PCSK5: variants seen among roughly 807,000 people sequenced by gnomAD.
PCSK5 encodes proprotein convertase subtilisin/kexin type 5, also known as prohormone convertase 5.
A neutral mutation model predicts 233.2 loss-of-function variants in PCSK5; 129 were observed. The observed-to-expected ratio is 0.55, with a 90% CI of 0.48 to 0.64. The LOEUF is 0.64. PCSK5 is among the 30% of genes least tolerant of loss of function. The pLI is 0.00. For synonymous variants in PCSK5, 825 were observed against 879.2 expected, an observed-to-expected ratio of 0.94 and a Z score of 1.09; for missense variants, 2,076 against 2,430.1, an observed-to-expected ratio of 0.85 and a Z score of 3.06.
At chr9:76,096,461 G>A (rs917379471) in intron 8 of PCSK5, among the ~76,000 whole-genome samples, 4 of 152,124 alleles carry the variant, frequency 2.6e-5, no homozygotes, top group African/African-American at 4.8e-5. Flanking sequence ...TTTCCGCACC[G>A]ACTTTTAACT....
chr9:75,974,955 TCATA>T (rs1218664177), intron 2 of PCSK5, among the ~76,000 whole-genome samples: 2 of 152,208 alleles, frequency 1.3e-5, no homozygotes, highest in Non-Finnish European at 2.9e-5. Flanking sequence ...TCCCTTTGAT[TCATA>T]AAGCTAGAGC....
rs549301915 is a variant in PCSK5 at position 76,351,404 on chromosome 9, T to C, written c.5067+476T>C. 7.2e-4 allele frequency among the ~76,000 whole-genome samples: 101 copies of C among 140,554 alleles called. 1 individual carries two copies. The highest frequency in any genetic ancestry group is 2.5e-3 in the African/African-American group (95 of 38,350). The allele number at this position is 140,554 out of a possible 152,430, so 92.2% of individuals were successfully genotyped here. The stretch of plus-strand genomic sequence containing the variant: ...CAGTGTTACAGCTCTTTAGAATTTC[T>C]GGTTTCTACCAGAAACCGCCCCCCC... On this transcript the variant is annotated intron_variant, in intron 36 of 37. Transcript: ENST00000674117.
At chr9:76,201,246 G>T (rs560196142) in intron 20 of PCSK5, among the ~76,000 whole-genome samples, 1 of 152,176 alleles carries the variant, frequency 6.6e-6, no homozygotes, top group African/African-American at 2.4e-5. Context: ...AGAACAAAAG[G>T]AAAAAACATG....
At chr9:76,247,529 C>T (rs1310185948) in intron 24 of PCSK5, among the ~76,000 whole-genome samples, 1 of 152,110 alleles carries the variant, frequency 6.6e-6, no homozygotes, top group Non-Finnish European at 1.5e-5. Context: ...AAGTTGCAAG[C>T]CCCATGTTTA....
intron 33 of PCSK5, among the ~76,000 whole-genome samples, chr9:76,331,555 T>C (rs1309378294): frequency 6.6e-6 from 1 of 151,900 alleles, no homozygotes; most frequent in Non-Finnish European, 1.5e-5. Flanking sequence ...TAGTCCCAGC[T>C]ACTCGGGAGG....
At chr9:76,055,053 T>C (rs1414127878) in intron 5 of PCSK5, among the ~76,000 whole-genome samples, 14 of 152,210 alleles carry the variant, frequency 9.2e-5, no homozygotes, top group African/African-American at 2.4e-5. Context: ...TGATGAATGC[T>C]TTTAATAATT....
At chr9:76,119,465 G>A (rs1038962335) in intron 9 of PCSK5, among the ~76,000 whole-genome samples, 2 of 151,976 alleles carry the variant, frequency 1.3e-5, no homozygotes, top group African/African-American at 4.8e-5. Context: ...ATGAAGCTAT[G>A]TATGTTTTAC....
intron 20 of PCSK5, among the ~76,000 whole-genome samples, chr9:76,219,710 T>C (rs575521773): frequency 1.3e-5 from 2 of 152,330 alleles, no homozygotes; most frequent in Non-Finnish European, 1.5e-5. Flanking sequence ...TCCCCTCTCC[T>C]GCTGCGGGCT....
At chr9:76,283,898 C>T (rs10121111) in intron 24 of PCSK5, among the ~76,000 whole-genome samples, 18,688 of 152,150 alleles carry the variant, frequency 0.12, 1,533 homozygotes, top group African/African-American at 0.24. Context: ...TCAAATAGTC[C>T]GTCTATAAAG....
intron 7 of PCSK5, among the ~76,000 whole-genome samples, chr9:76,078,152 ATTGT>A (rs1341405150): frequency 1.3e-5 from 2 of 152,032 alleles, no homozygotes; most frequent in African/African-American, 4.8e-5. Context: ...TGATTGTTGA[ATTGT>A]TTAAGTTCCT....
In PCSK5 at chr9:76,121,814, GTTTTTTTTT is replaced by G. The variant is rs568155033; in HGVS notation, c.1209-12276_1209-12268del. On this transcript the variant is annotated intron_variant, in intron 9 of 37. Transcript: ENST00000674117. Reference sequence around the variant, plus strand: ...AATACTATAAACATCTCTTGTATTGGTTTTTTTTTTTTTTTTTTTTTTTTTTTGAGACGG... The same window carrying G: ...AATACTATAAACATCTCTTGTATTGGTTTTTTTTTTTTTTTTTTGAGACGG... Among the ~76,000 whole-genome samples the G allele has an allele frequency of 3.6e-4, 22 of 61,756 alleles. 2 individuals carry two copies. The highest frequency in any genetic ancestry group is 2.6e-4 in the Non-Finnish European group (7 of 27,390). 40.5% of individuals were successfully genotyped at this position (61,756 alleles called of 152,430 possible). A position where few individuals can be genotyped will look rare whatever the true frequency, so the allele number is the denominator to read the frequency against.
chr9:76,129,143 G>T (rs914894155), intron 9 of PCSK5, among the ~76,000 whole-genome samples: 8 of 152,092 alleles, frequency 5.3e-5, no homozygotes, highest in African/African-American at 1.7e-4. Context: ...CTTCATCTTT[G>T]TGTCTCCAGC....
intron 2 of PCSK5, among the ~76,000 whole-genome samples, chr9:75,961,479 T>G (rs1429292274): frequency 1.3e-5 from 2 of 152,226 alleles, no homozygotes; most frequent in African/African-American, 4.8e-5. Flanking sequence ...GCTTGGCATG[T>G]GGCTAGTACG....
Position 76,323,102 on chromosome 9 carries a change from C to A in PCSK5, c.4153C>A (p.Pro1385Thr), listed in dbSNP as rs1269101295. 2 of 1,610,946 alleles carry A rather than the reference C, an allele frequency of 1.2e-6. No homozygotes were observed. Among genetic ancestry groups the A allele is most frequent in the Admixed American group, 3.3e-5 (2 of 59,730 alleles). Reference protein sequence around the residue: ...LHDDMCHQSCPRGFYADSRHC... With the variant: ...LHDDMCHQSCTRGFYADSRHC... ...CGATGATATGTGCCACCAGTCCTGT[C>A]CCCGTGGCTTCTATGCAGACTCGCG... Residue 1385 changes from proline to threonine, a missense_variant, in exon 32 of 38, where the codon CCC (proline) becomes ACC (threonine). Coordinates refer to ENST00000674117, the MANE Select transcript of PCSK5 (RefSeq NM_001372043.1).
rs765527211 is a variant in PCSK5 at position 76,358,733 on chromosome 9, G to C, written c.5475G>C (p.Glu1825Asp). 5.0e-6 allele frequency: 8 copies of C among 1,612,888 alleles called. No homozygotes were observed. In the Admixed American group the frequency reaches 1.3e-4, roughly 27 times the overall value. ...SYSSYKSSYR[E>D]STSFEEDQVI... is the part of the protein sequence containing the mutation. ...CCTCCTATAAGAGCAGCTATAGAGA[G>C]AGCACCAGCTTTGAAGAGGATCAGG... Residue 1825 changes from glutamate (E) to aspartate (D), a missense_variant, in exon 38 of 38, where the codon GAG (glutamate) becomes GAC (aspartate). Glu to Asp is a conservative substitution (Grantham distance 45). This residue lies in a region of PCSK5 where 1,510 missense variants were observed against 1,538.1 expected (regional missense o/e 0.98). Transcript: ENST00000674117.
chr9:75,918,937 C>T (rs1169716701), intron 1 of PCSK5, among the ~76,000 whole-genome samples: 1 of 152,130 alleles, frequency 6.6e-6, no homozygotes, highest in Non-Finnish European at 1.5e-5. Context: ...CTCTTGATGA[C>T]AGGGCTTTTC....
intron 2 of PCSK5, among the ~76,000 whole-genome samples, chr9:75,937,059 A>G (rs1198874721): frequency 2.0e-5 from 3 of 151,958 alleles, no homozygotes; most frequent in Admixed American, 1.3e-4. Flanking sequence ...ACCTTTTTTT[A>G]GTGATAGGTC....
chr9:76,220,744 AC>A (rs1187190234), intron 20 of PCSK5, among the ~76,000 whole-genome samples: 1 of 152,114 alleles, frequency 6.6e-6, no homozygotes, highest in Non-Finnish European at 1.5e-5. Context: ...GCATTACCTC[AC>A]ATACTTATTT....
chr9:76,321,321 C>T lies in PCSK5; in HGVS notation c.3885-101C>T. The T allele has an allele frequency of 3.0e-6, 2 of 674,674 alleles. 1 individual carries two copies. Among genetic ancestry groups the T allele is most frequent in the South Asian group, 3.4e-5 (2 of 59,526 alleles). The allele number at this position is 674,674 out of a possible 1,614,324, so 41.8% of individuals were successfully genotyped here. A position where few individuals can be genotyped will look rare whatever the true frequency, so the allele number is the denominator to read the frequency against. On this transcript the variant is annotated intron_variant, in intron 30 of 37. Transcript: ENST00000674117. ...ATGGATGCCTCTCAGCTGACGACAG[C>T]AGCAGCCCTTTTGTTTTTAGACCTA...
Sources: allele counts gnomAD v4.1 joint callset (sites outside exome capture counted in the v4.1 genomes callset), GRCh38; gene constraint gnomAD v4.1.1; regional missense constraint gnomAD v4.1.1; transcripts MANE v1.5; gene names NCBI Gene and HGNC (gene_info 2026-07-23, HGNC 2026-07-21).